The following SUCLG2 variants were observed in gnomAD, a reference collection of about 807,000 sequenced individuals.
The protein encoded by SUCLG2 is succinate--CoA ligase [GDP-forming] subunit beta, mitochondrial.
SUCLG2 carries 42 observed loss-of-function variants against 47.9 expected under a neutral mutation model. The observed-to-expected ratio is 0.88, with a 90% CI of 0.69 to 1.14. The LOEUF (loss-of-function observed/expected upper bound fraction) is 1.14. SUCLG2 is among the 50% of genes most tolerant of loss of function. The pLI, the probability that SUCLG2 is intolerant of heterozygous loss-of-function variation, is 0.00. For missense variants in SUCLG2, 571 were observed against 525.9 expected (o/e 1.09, Z -0.84); for synonymous variants, 195 against 197.3 (o/e 0.99, Z 0.10).
At chr3:67,464,047 A>C (rs1315342064) in intron 9 of SUCLG2, among the ~76,000 whole-genome samples, 1 of 152,206 alleles carries the variant, frequency 6.6e-6, no homozygotes, top group Non-Finnish European at 1.5e-5. Context: ...GTGACATACT[A>C]TGTTTTGTGT....
chr3:67,583,295 C>A (rs1707929263), intron 2 of SUCLG2, among the ~76,000 whole-genome samples: 1 of 152,142 alleles, frequency 6.6e-6, no homozygotes, highest in South Asian at 2.1e-4. Flanking sequence ...GGAGAGCCAC[C>A]ATCCTCCCCG....
intron 9 of SUCLG2, among the ~76,000 whole-genome samples, chr3:67,436,046 G>A (rs979584729): frequency 6.6e-6 from 1 of 152,112 alleles, no homozygotes; most frequent in Non-Finnish European, 1.5e-5. Context: ...TTTGGTTTGA[G>A]CAATTCTAAA....
chr3:67,628,329 C>T (rs6808106), intron 1 of SUCLG2, among the ~76,000 whole-genome samples: 48,648 of 151,932 alleles, frequency 0.32, 8,107 homozygotes, highest in Non-Finnish European at 0.36. Flanking sequence ...TGAATGAAGG[C>T]GAGTATGAAT....
At chr3:67,578,367 A>G (rs1707797827) in intron 2 of SUCLG2, among the ~76,000 whole-genome samples, 1 of 151,444 alleles carries the variant, frequency 6.6e-6, no homozygotes, top group South Asian at 2.1e-4. Flanking sequence ...GCAACTAATC[A>G]AGAGTAAGCT....
At chr3:67,574,230 T>G (rs1049373509) in intron 2 of SUCLG2, among the ~76,000 whole-genome samples, 8 of 152,210 alleles carry the variant, frequency 5.3e-5, no homozygotes, top group African/African-American at 1.9e-4. Flanking sequence ...TAATCCAGGA[T>G]AATCTCTCAT....
Position 67,649,895 on chromosome 3 carries a change from T to G in SUCLG2, c.84+4608A>C, listed in dbSNP as rs183252640. 6.4e-4 allele frequency among the ~76,000 whole-genome samples: 97 copies of G among 152,338 alleles called. No homozygotes were observed. In the Middle Eastern group the frequency reaches 0.017, roughly 27 times the overall value. On this transcript the variant is annotated intron_variant, in intron 1 of 10. Transcript: ENST00000307227. Reference sequence around the variant, plus strand: ...CCCAAATATGCCATATTTCAGTGACTTTCTGGGCTTTGCGCCTGCAGAACT... The same window carrying G: ...CCCAAATATGCCATATTTCAGTGACGTTCTGGGCTTTGCGCCTGCAGAACT...
chr3:67,374,564 G>A (rs865848934), downstream of SUCLG2, among the ~76,000 whole-genome samples: 18 of 152,028 alleles, frequency 1.2e-4, no homozygotes, highest in African/African-American at 3.6e-4. Context: ...ACAGAAATGG[G>A]TATCTGATAA....
chr3:67,491,450 C>T (rs983757333), intron 9 of SUCLG2, among the ~76,000 whole-genome samples: 4 of 150,076 alleles, frequency 2.7e-5, no homozygotes, highest in African/African-American at 4.9e-5. Context: ...CTGCAACCTC[C>T]GCCTCCTGCG....
chr3:67,603,370 T>G (rs1708462311), intron 2 of SUCLG2, among the ~76,000 whole-genome samples: 1 of 152,230 alleles, frequency 6.6e-6, no homozygotes. Context: ...GCACAACAGT[T>G]CTTTTTTTAC....
At chr3:67,541,872 CT>C (rs112073915) in intron 2 of SUCLG2, among the ~76,000 whole-genome samples, 213 of 143,954 alleles carry the variant, frequency 1.5e-3, no homozygotes, top group Middle Eastern at 7.1e-3. Context: ...CATTCTTTTT[CT>C]TTTTTTTTTT....
intron 10 of SUCLG2, among the ~76,000 whole-genome samples, chr3:67,380,136 G>T (rs965520689): frequency 4.0e-5 from 6 of 151,328 alleles, no homozygotes; most frequent in African/African-American, 1.5e-4. Flanking sequence ...AATAGATACC[G>T]CAAACTGCTC....
intron 1 of SUCLG2, among the ~76,000 whole-genome samples, chr3:67,620,126 T>C (rs1417809652): frequency 6.6e-6 from 1 of 152,222 alleles, no homozygotes; most frequent in Non-Finnish European, 1.5e-5. Context: ...ATCCATAATG[T>C]GGTCACTGTG....
At chr3:67,410,516 G>A (rs1041685648) in intron 9 of SUCLG2, among the ~76,000 whole-genome samples, 3 of 152,196 alleles carry the variant, frequency 2.0e-5, no homozygotes, top group Admixed American at 6.6e-5. Flanking sequence ...TACAGCCATA[G>A]TTCCCGTATC....
chr3:67,409,210 G>A lies in SUCLG2; in HGVS notation c.1063-8359C>T, dbSNP rs534139055. Among the ~76,000 whole-genome samples the A allele has an allele frequency of 8.2e-4, 125 of 152,210 alleles. 1 individual carries two copies. The highest frequency in any genetic ancestry group is 1.4e-3 in the Non-Finnish European group (95 of 68,000). On this transcript the variant is annotated intron_variant, in intron 9 of 10. Transcript: ENST00000307227. ...GGAGGGGTCATGAAGGTACAAGAGT[G>A]GGGCCTGGCCTTCAAACACTAAACT...
chr3:67,522,050 T>C (rs200128189), intron 4 of SUCLG2, among the ~76,000 whole-genome samples: 1 of 123,258 alleles, frequency 8.1e-6, no homozygotes, highest in African/African-American at 2.7e-5. Flanking sequence ...ATTTATCTAT[T>C]TATTTATTTG....
chr3:67,603,760 T>C (rs1051219542), intron 2 of SUCLG2, among the ~76,000 whole-genome samples: 1 of 152,238 alleles, frequency 6.6e-6, no homozygotes, highest in Non-Finnish European at 1.5e-5. Context: ...TAAGTTTATA[T>C]ACAAATACTT....
At chr3:67,437,100 G>A (rs533117642) in intron 9 of SUCLG2, among the ~76,000 whole-genome samples, 1 of 152,212 alleles carries the variant, frequency 6.6e-6, no homozygotes, top group Non-Finnish European at 1.5e-5. Flanking sequence ...GTTTCTGGGA[G>A]TGGGGAGAAG....
intron 10 of SUCLG2, among the ~76,000 whole-genome samples, chr3:67,378,782 G>A (rs1702088889): frequency 1.3e-5 from 2 of 152,162 alleles, no homozygotes; most frequent in Admixed American, 1.3e-4. Flanking sequence ...CACAACCTGC[G>A]TGCACTTTGA....
intron 2 of SUCLG2, among the ~76,000 whole-genome samples, chr3:67,532,996 A>G (rs2107155515): frequency 6.6e-6 from 1 of 152,360 alleles, no homozygotes; most frequent in South Asian, 2.1e-4. Flanking sequence ...AATCATTAAG[A>G]AAAGCATAAT....
Sources: gnomAD v4.1 joint callset for allele counts (sites outside exome capture counted in the v4.1 genomes callset) on GRCh38, gnomAD v4.1.1 for gene constraint, MANE v1.5 for transcripts, NCBI Gene and HGNC (gene_info 2026-07-23, HGNC 2026-07-21) for gene names.